The following USH2A variants were observed in gnomAD, a reference collection of about 807,000 sequenced individuals.
USH2A encodes Usher syndrome 2A (autosomal recessive, mild).
A neutral mutation model predicts 538.9 loss-of-function variants in USH2A; 443 were observed. The observed-to-expected ratio is 0.82, with a 90% CI of 0.76 to 0.89. USH2A has a LOEUF of 0.89. Ranked by LOEUF, USH2A falls within the 40% of genes least tolerant of loss-of-function variation. The pLI, the probability that USH2A is intolerant of heterozygous loss-of-function variation, is 0.00. For synonymous variants in USH2A, 2,413 were observed against 2,273.5 expected, an observed-to-expected ratio of 1.06 and a Z score of -1.75; for missense variants, 6,633 against 6,324.8, an observed-to-expected ratio of 1.05 and a Z score of -1.65.
At chr1:215,849,312 G>A (rs73090735) in intron 44 of USH2A, among the ~76,000 whole-genome samples, 2,763 of 152,208 alleles carry the variant, frequency 0.018, 81 homozygotes, top group African/African-American at 0.061. Flanking sequence ...AAGTAGGTTT[G>A]TAAAATCATA....
chr1:216,361,849 G>C (rs1382564491), intron 4 of USH2A, among the ~76,000 whole-genome samples: 1 of 152,154 alleles, frequency 6.6e-6, no homozygotes, highest in African/African-American at 2.4e-5. Context: ...AATCTCATTG[G>C]CATAGTGCTA....
At chr1:215,657,713 C>T (rs73087469) in intron 64 of USH2A, among the ~76,000 whole-genome samples, 34 of 152,214 alleles carry the variant, frequency 2.2e-4, no homozygotes, top group African/African-American at 8.2e-4. Context: ...AGGACATTGT[C>T]TTGCTTTCCA....
chr1:215,665,110 C>T (rs1406191171), intron 64 of USH2A, among the ~76,000 whole-genome samples: 2 of 152,212 alleles, frequency 1.3e-5, no homozygotes, highest in Non-Finnish European at 2.9e-5. Flanking sequence ...AAGGCCTCCA[C>T]AGTACCTCTG....
chr1:216,292,605 T>A (rs1322042391), intron 9 of USH2A, among the ~76,000 whole-genome samples: 1 of 152,188 alleles, frequency 6.6e-6, no homozygotes, highest in Non-Finnish European at 1.5e-5. Context: ...TCTTTTTTTT[T>A]CTTAATTTTT....
rs569679703 is a variant in USH2A, at chr1:215,879,033, G to A, written c.8289C>T (p.Asp2763=). ...DILSYEIHMP[D]PHITLTNVTS... Reference sequence around the variant, plus strand: ...TCACATTGGTTAAAGTGATGTGAGGGTCAGGCATGTGAATCTCATAGCTAA... The same window carrying A: ...TCACATTGGTTAAAGTGATGTGAGGATCAGGCATGTGAATCTCATAGCTAA... The change falls in exon 42 of 72, where the codon GAC becomes GAT. Residue 2763 remains aspartate, a synonymous_variant. Coordinates refer to ENST00000307340, the MANE Select transcript of USH2A (RefSeq NM_206933.4). 6.2e-7 allele frequency: 1 copy of A among 1,614,056 alleles called. No homozygotes were observed. Among genetic ancestry groups the A allele is most frequent in the East Asian group, 2.2e-5 (1 of 44,878 alleles).
At chr1:216,207,467 C>A in intron 15 of USH2A, 36 bp from the exon 16 acceptor site, 5 of 1,613,350 alleles carry the variant, frequency 3.1e-6, no homozygotes, top group Middle Eastern at 1.7e-4. Context: ...ATTAGCAAAG[C>A]AATCAATAAA....
At chr1:216,324,424 T>C (rs1433344437) in intron 6 of USH2A, 72 bp from the exon 7 acceptor site, 3 of 1,360,294 alleles carry the variant, frequency 2.2e-6, no homozygotes, top group Non-Finnish European at 3.0e-6. Context: ...AACCATGGAA[T>C]TATTAGATTC....
In USH2A at chr1:215,998,872, T is replaced by C. The variant is rs1668197460; in HGVS notation, c.6657+15A>G. On this transcript the variant is annotated intron_variant, in intron 34 of 71. Transcript: ENST00000307340. ...GAAGGAATGGGGACAGAGAAAGTGA[T>C]GGAAATAAACTTACTCCCAGCTTGA... The C allele has an allele frequency of 6.2e-7, 1 of 1,611,366 alleles. No homozygotes were observed. The highest frequency in any genetic ancestry group is 1.1e-5 in the South Asian group (1 of 91,010).
intron 53 of USH2A, 138 bp downstream of exon 53, chr1:215,782,600 T>C: frequency 1.1e-6 from 1 of 942,498 alleles, no homozygotes; most frequent in Non-Finnish European, 1.6e-6. Flanking sequence ...AGTTGTCACA[T>C]AATTACAGTT....
Position 215,644,575 on chromosome 1 carries a change from A to G in USH2A, c.14791+2947T>C, listed in dbSNP as rs140061455. Among the ~76,000 whole-genome samples, 478 of 152,292 alleles carry G rather than the reference A, an allele frequency of 3.1e-3. 4 individuals carry two copies. Among genetic ancestry groups the G allele is most frequent in the African/African-American group, 0.011 (453 of 41,560 alleles). On this transcript the variant is annotated intron_variant, in intron 67 of 71. Coordinates refer to ENST00000307340, the MANE Select transcript of USH2A (RefSeq NM_206933.4). ...GAAAATCCAAAGAAGTAGAGGAGAA[A>G]CCAGGAGAGGGTGGTAATGAAAATG... is the stretch of plus-strand genomic sequence containing the variant.
At chr1:215,883,171 T>C (rs1264372663) in intron 41 of USH2A, among the ~76,000 whole-genome samples, 1 of 152,156 alleles carries the variant, frequency 6.6e-6, no homozygotes, top group African/African-American at 2.4e-5. Context: ...TTTTTGTCAT[T>C]ATTTTTAATG....
intron 47 of USH2A, among the ~76,000 whole-genome samples, chr1:215,823,676 A>G (rs954429263): frequency 5.3e-5 from 8 of 151,538 alleles, no homozygotes; most frequent in African/African-American, 1.9e-4. Context: ...TAATTCCTAG[A>G]TTTTGTCTTT....
chr1:215,921,335 A>G (rs181978132), intron 38 of USH2A, among the ~76,000 whole-genome samples: 3 of 152,174 alleles, frequency 2.0e-5, no homozygotes, highest in African/African-American at 7.2e-5. Flanking sequence ...TACGTACCAC[A>G]TAATATTGCT....
intron 15 of USH2A, among the ~76,000 whole-genome samples, chr1:216,211,254 A>T (rs1481350101): frequency 6.6e-6 from 1 of 152,134 alleles, no homozygotes; most frequent in Non-Finnish European, 1.5e-5. Flanking sequence ...AGGAGCCCCA[A>T]TTTATAGCCA....
chr1:216,361,562 A>G (rs1310938045), intron 4 of USH2A, among the ~76,000 whole-genome samples: 1 of 152,160 alleles, frequency 6.6e-6, no homozygotes, highest in African/African-American at 2.4e-5. Context: ...TAAGAAAAAT[A>G]CAAACTGTCC....
At chr1:215,695,089 T>C (rs987723019) in intron 61 of USH2A, among the ~76,000 whole-genome samples, 22 of 152,222 alleles carry the variant, frequency 1.4e-4, no homozygotes, top group African/African-American at 5.1e-4. Context: ...TCGCAGTTGC[T>C]AGTTTCCCTG....
chr1:215,694,942 T>C (rs1001232999), intron 61 of USH2A, among the ~76,000 whole-genome samples: 1 of 152,228 alleles, frequency 6.6e-6, no homozygotes, highest in African/African-American at 2.4e-5. Flanking sequence ...AGTCTTCCTG[T>C]TAATATAACA....
intron 4 of USH2A, among the ~76,000 whole-genome samples, chr1:216,353,777 G>T (rs2038331083): frequency 6.6e-6 from 1 of 152,088 alleles, no homozygotes; most frequent in Admixed American, 6.6e-5. Context: ...CCATCACTTT[G>T]CTGTCAATCT....
At chr1:216,013,293 C>T (rs1417661222) in intron 32 of USH2A, among the ~76,000 whole-genome samples, 1 of 148,688 alleles carries the variant, frequency 6.7e-6, no homozygotes, top group Non-Finnish European at 1.5e-5. Flanking sequence ...CTCCCTTCAG[C>T]TTAATCTCTC....
Sources: gnomAD v4.1 joint callset for allele counts (sites outside exome capture counted in the v4.1 genomes callset) on GRCh38, gnomAD v4.1.1 for gene constraint, MANE v1.5 for transcripts, NCBI Gene and HGNC (gene_info 2026-07-23, HGNC 2026-07-21) for gene names.